CACNB2: variants seen among roughly 807,000 people sequenced by gnomAD.
The protein encoded by CACNB2 is calcium voltage-gated channel auxiliary subunit beta 2, also known as voltage-dependent L-type calcium channel subunit beta-2.
A neutral mutation model predicts 73.3 loss-of-function variants in CACNB2; 42 were observed. That is an observed-to-expected ratio of 0.57 (90% CI 0.45 to 0.74). The LOEUF (loss-of-function observed/expected upper bound fraction) is 0.74. Among genes scored for constraint, CACNB2 ranks in the 30% least tolerant of loss-of-function variants. CACNB2 has a pLI of 0.00. For synonymous variants in CACNB2, 348 were observed against 310.3 expected (o/e 1.12, Z -1.28); for missense variants, 940 against 853.0 (o/e 1.10, Z -1.27).
intron 2 of CACNB2, among the ~76,000 whole-genome samples, chr10:18,268,252 G>C (rs1284125243): frequency 1.3e-5 from 2 of 152,176 alleles, no homozygotes; most frequent in Non-Finnish European, 2.9e-5. Context: ...TTTGCCCAAG[G>C]CTATTCTGAA....
At chr10:18,226,255 G>A (rs1300388853) in intron 2 of CACNB2, among the ~76,000 whole-genome samples, 1 of 152,068 alleles carries the variant, frequency 6.6e-6, no homozygotes, top group East Asian at 1.9e-4. Context: ...TCGAACTCCT[G>A]AGCTCAAGTG....
intron 2 of CACNB2, among the ~76,000 whole-genome samples, chr10:18,362,293 G>C (rs1293343530): frequency 6.6e-6 from 1 of 152,264 alleles, no homozygotes; most frequent in Non-Finnish European, 1.5e-5. Flanking sequence ...TTTCTAAAAA[G>C]TCATGATGAA....
chr10:18,170,750 T>C (rs955403733), intron 2 of CACNB2, among the ~76,000 whole-genome samples: 4 of 152,228 alleles, frequency 2.6e-5, no homozygotes, highest in African/African-American at 9.6e-5. Flanking sequence ...AACAGTTATG[T>C]TGGTTTTAGA....
intron 2 of CACNB2, among the ~76,000 whole-genome samples, chr10:18,363,983 C>T (rs7919691): frequency 0.31 from 45,083 of 146,704 alleles, 7,352 homozygotes; most frequent in East Asian, 0.71. Flanking sequence ...ATGTTTTGCT[C>T]GTTGCCTAGG....
At chr10:18,294,162 T>C (rs1233802071) in intron 2 of CACNB2, among the ~76,000 whole-genome samples, 1 of 152,228 alleles carries the variant, frequency 6.6e-6, no homozygotes, top group Non-Finnish European at 1.5e-5. Context: ...TTCCGAGACC[T>C]GCTTCACTCC....
At position 18,498,366 on chromosome 10, in the gene CACNB2, T is replaced by C; in HGVS notation, c.345T>C (p.Val115=). The part of the protein sequence containing the change: ...AQLEKAKTKP[V]AFAVRTNVSY... The stretch of plus-strand genomic sequence containing the variant: ...TTTTCCCACTTTAGACAAAGCCCGT[T>C]GCATTTGCGGTTCGGACAAATGTCA... The change falls in exon 4 of 14, where the codon GTT becomes GTC. Residue 115 remains valine (V), a synonymous_variant. Transcript: ENST00000324631. The C allele has an allele frequency of 1.2e-6, 2 of 1,614,190 alleles. No homozygotes were observed. Among genetic ancestry groups the C allele is most frequent in the Non-Finnish European group, 1.7e-6 (2 of 1,179,992 alleles).
intron 2 of CACNB2, among the ~76,000 whole-genome samples, chr10:18,350,368 A>C (rs1447081655): frequency 6.6e-6 from 1 of 152,244 alleles, no homozygotes; most frequent in Admixed American, 6.5e-5. Flanking sequence ...GTTTGTCACT[A>C]GCGTGGGGTC....
intron 2 of CACNB2, among the ~76,000 whole-genome samples, chr10:18,399,659 G>A (rs2043891401): frequency 6.6e-6 from 1 of 151,962 alleles, no homozygotes; most frequent in African/African-American, 2.4e-5. Context: ...CTAGGGTTAC[G>A]GTCGTGAGCC....
At chr10:18,312,078 TA>T (rs1362463955) in intron 2 of CACNB2, among the ~76,000 whole-genome samples, 1 of 152,206 alleles carries the variant, frequency 6.6e-6, no homozygotes, top group Non-Finnish European at 1.5e-5. Flanking sequence ...TTATCTTTTT[TA>T]AGCCTGTAAG....
chr10:18,294,239 T>G (rs891141143), intron 2 of CACNB2, among the ~76,000 whole-genome samples: 1 of 152,190 alleles, frequency 6.6e-6, no homozygotes, highest in African/African-American at 2.4e-5. Flanking sequence ...ACCTTCTTTC[T>G]CCTGTTCATG....
intron 2 of CACNB2, among the ~76,000 whole-genome samples, chr10:18,272,551 A>G (rs1390232265): frequency 1.3e-5 from 2 of 152,182 alleles, no homozygotes; most frequent in Non-Finnish European, 2.9e-5. Flanking sequence ...CTCACCTTGA[A>G]GTGTAATAAT....
chr10:18,449,650 C>T (rs1247974150), intron 3 of CACNB2, among the ~76,000 whole-genome samples: 1 of 152,232 alleles, frequency 6.6e-6, no homozygotes, highest in Non-Finnish European at 1.5e-5. Context: ...TTGCTAAGTT[C>T]ACAACTACTG....
chr10:18,284,500 G>A (rs1490390651), intron 2 of CACNB2, among the ~76,000 whole-genome samples: 1 of 152,168 alleles, frequency 6.6e-6, no homozygotes, highest in African/African-American at 2.4e-5. Context: ...TACCTGGTTG[G>A]ACACAATAAA....
chr10:18,228,242 G>A (rs2036078565), intron 2 of CACNB2, among the ~76,000 whole-genome samples: 1 of 151,916 alleles, frequency 6.6e-6, no homozygotes, highest in African/African-American at 2.4e-5. Context: ...TGGTCAACAT[G>A]GTGAAACCTT....
chr10:18,518,830 C>T, intron 8 of CACNB2, 80 bp from the exon 9 acceptor site: 1 of 1,306,966 alleles, frequency 7.7e-7, no homozygotes, highest in East Asian at 2.3e-5. Flanking sequence ...TTCAAGCATT[C>T]CTAAGAGAAG....
At chr10:18,381,800 G>T (rs1414135191) in intron 2 of CACNB2, among the ~76,000 whole-genome samples, 1 of 151,900 alleles carries the variant, frequency 6.6e-6, no homozygotes, top group African/African-American at 2.4e-5. Flanking sequence ...ATTACATCAT[G>T]CTGTACCCAC....
Position 18,481,104 on chromosome 10 carries a change from C to T in CACNB2, c.334-17251C>T, listed in dbSNP as rs181022130. On this transcript the variant is annotated intron_variant, in intron 3 of 13. Coordinates refer to ENST00000324631, the MANE Select transcript of CACNB2 (RefSeq NM_201596.3). Reference sequence around the variant, plus strand: ...GTGCTGTGAGGCTGTGCTCATCACGCTTGTGTGCACAAAGCACTGGGCAGA... The same window carrying T: ...GTGCTGTGAGGCTGTGCTCATCACGTTTGTGTGCACAAAGCACTGGGCAGA... Among the ~76,000 whole-genome samples the T allele has an allele frequency of 2.8e-3, 412 of 148,226 alleles. 2 individuals are homozygous for T. The highest frequency in any genetic ancestry group is 9.3e-3 in the African/African-American group (373 of 40,284).
chr10:18,502,494 T>C lies in CACNB2; in HGVS notation c.593+1546T>C, dbSNP rs2050249818. On this transcript the variant is annotated intron_variant, in intron 5 of 13. Transcript: ENST00000324631. ...TCACAAGGTTAAGAGATTGAGACCATCCTGGGCAACATTGTGAAACCCCGT... is the reference window on the plus strand; with the variant it reads ...TCACAAGGTTAAGAGATTGAGACCACCCTGGGCAACATTGTGAAACCCCGT... Among the ~76,000 whole-genome samples the C allele has an allele frequency of 4.0e-5, 6 of 148,288 alleles. No individual in the cohort carries two copies. In the South Asian group the frequency reaches 1.3e-3, roughly 32 times the overall value.
intron 2 of CACNB2, among the ~76,000 whole-genome samples, chr10:18,251,175 G>C (rs993865): frequency 6.6e-6 from 1 of 152,080 alleles, no homozygotes. Flanking sequence ...TTACAGTTCA[G>C]CAAATCTGGG....
Sources: gnomAD v4.1 joint callset for allele counts (sites outside exome capture counted in the v4.1 genomes callset) on GRCh38, gnomAD v4.1.1 for gene constraint, MANE v1.5 for transcripts, NCBI Gene and HGNC (gene_info 2026-07-23, HGNC 2026-07-21) for gene names.